Variants in VPS25 observed in about 807,000 individuals in gnomAD.
VPS25 encodes vacuolar protein-sorting-associated protein 25.
In VPS25, 21 loss-of-function variants were observed where a neutral mutation model predicts 30.3. That is an observed-to-expected ratio of 0.69 (90% CI 0.49 to 1.00). The LOEUF is 1.00. Ranked by LOEUF, VPS25 falls within the 50% of genes least tolerant of loss-of-function variation. The probability of loss-of-function intolerance (pLI) is 0.00; values close to 1 mark genes in which losing one functional copy is unlikely to be tolerated. For missense variants in VPS25, 156 were observed against 217.2 expected (o/e 0.72, Z 1.77); for synonymous variants, 101 against 88.1 (o/e 1.15, Z -0.82).
At position 42,779,317 on chromosome 17, in the gene VPS25, CTG is replaced by C; in HGVS notation, c.*250_*251del. 2.2e-6 allele frequency: 1 copy of C among 452,458 alleles called. No individual in the cohort carries two copies. The highest frequency in any genetic ancestry group is 4.1e-6 in the Non-Finnish European group (1 of 242,220). The allele number at this position is 452,458 out of a possible 1,614,324, so 28.0% of individuals were successfully genotyped here. A position where few individuals can be genotyped will look rare whatever the true frequency, so the allele number is the denominator to read the frequency against. On this transcript the variant is annotated 3_prime_UTR_variant, in exon 6 of 6. Transcript: ENST00000253794. ...GCCCTACCTCCTTTCCCATCCTAGA[CTG>C]TCCTTGAGCCAGGGTCTGTAAACCT...
At chr17:42,778,436 CA>C (rs1723992526) in intron 5 of VPS25, among the ~76,000 whole-genome samples, 4 of 152,168 alleles carry the variant, frequency 2.6e-5, no homozygotes, top group Admixed American at 1.3e-4. Context: ...CCTCCCACCT[CA>C]GCCTTCCAAA....
At chr17:42,773,610 G>T in intron 1 of VPS25, 82 bp downstream of exon 1, 1 of 1,608,018 alleles carries the variant, frequency 6.2e-7, no homozygotes, top group Non-Finnish European at 8.5e-7. Context: ...GCTTCATATG[G>T]GGAGGGGGAG....
chr17:42,776,353 TTTTTG>T (rs370422564), intron 5 of VPS25, 33 bp downstream of exon 5: 100 of 1,602,488 alleles, frequency 6.2e-5, no homozygotes, highest in Middle Eastern at 2.0e-4. Context: ...CATAGTTAAT[TTTTTG>T]TTTTGTTTTG....
intron 4 of VPS25, among the ~76,000 whole-genome samples, chr17:42,775,740 T>A (rs969018433): frequency 6.6e-6 from 1 of 152,174 alleles, no homozygotes; most frequent in Non-Finnish European, 1.5e-5. Flanking sequence ...AGTGCTATTG[T>A]TGGCTGGAGC....
At position 42,779,221 on chromosome 17, in the gene VPS25, C is replaced by G; in HGVS notation, c.*152C>G. 1.5e-6 allele frequency: 1 copy of G among 658,680 alleles called. No homozygotes were observed. The highest frequency in any genetic ancestry group is 2.7e-6 in the Non-Finnish European group (1 of 376,330). The allele number at this position is 658,680 out of a possible 1,614,324, so 40.8% of individuals were successfully genotyped here. A position where few individuals can be genotyped will look rare whatever the true frequency, so the allele number is the denominator to read the frequency against. On this transcript the variant is annotated 3_prime_UTR_variant, in exon 6 of 6. Coordinates refer to ENST00000253794, the MANE Select transcript of VPS25 (RefSeq NM_032353.4). ...GGCTGGGACCTGGGGATGGGTTTCT[C>G]ACACCCCATATGTCTGTCCCTTGGA... is the stretch of plus-strand genomic sequence containing the variant.
At position 42,773,715 on chromosome 17, in the gene VPS25, A is replaced by C. The variant is rs746907495; in HGVS notation, c.54-18A>C. On this transcript the variant is annotated intron_variant, in intron 1 of 5. Coordinates refer to ENST00000253794, the MANE Select transcript of VPS25 (RefSeq NM_032353.4). The stretch of plus-strand genomic sequence containing the variant: ...CTCCCGCCCTCTAATTCTGCGCCCC[A>C]CTCCCTTCACCCGGCAGGTTACAAC... The C allele has an allele frequency of 1.8e-5, 29 of 1,610,814 alleles. No homozygotes were observed. The highest frequency in any genetic ancestry group is 1.6e-4 in the Middle Eastern group (1 of 6,074).
At chr17:42,777,243 A>C (rs1416115840) in intron 5 of VPS25, among the ~76,000 whole-genome samples, 1 of 152,172 alleles carries the variant, frequency 6.6e-6, no homozygotes, top group Admixed American at 6.5e-5. Context: ...GGCCGGGTGC[A>C]GTGGCTCACG....
At chr17:42,778,909 C>T (rs2054451448) in intron 5 of VPS25, 48 bp from the exon 6 acceptor site, 6 of 1,576,818 alleles carry the variant, frequency 3.8e-6, no homozygotes, top group Non-Finnish European at 5.2e-6. Context: ...TCCTCAGAGG[C>T]CTTGGGCCTC....
chr17:42,779,060 G>T lies in VPS25; in HGVS notation c.522G>T (p.Lys174Asn). Residue 174 changes from lysine (K) to asparagine (N), a missense_variant, in exon 6 of 6, where the codon AAG (lysine) becomes AAT (asparagine). Transcript: ENST00000253794. ...CTGTCAGCGATGGCCGAGGCGTCAAGTTCTTCTAGCAGGGACCTGTCTCCC... is the reference window on the plus strand; with the variant it reads ...CTGTCAGCGATGGCCGAGGCGTCAATTTCTTCTAGCAGGGACCTGTCTCCC... ...IITVSDGRGV[K>N]FF is the part of the protein sequence containing the mutation. The T allele has an allele frequency of 6.2e-7, 1 of 1,613,866 alleles. No homozygotes were observed. The highest frequency in any genetic ancestry group is 8.5e-7 in the Non-Finnish European group (1 of 1,179,834).
Position 42,774,641 on chromosome 17 carries a change from A to T in VPS25, c.200-5A>T. The T allele has an allele frequency of 6.2e-7, 1 of 1,612,402 alleles. No individual in the cohort carries two copies. Among genetic ancestry groups the T allele is most frequent in the Non-Finnish European group, 8.5e-7 (1 of 1,178,708 alleles). On this transcript the variant is annotated splice_region_variant and splice_polypyrimidine_tract_variant and intron_variant, in intron 2 of 5. Transcript: ENST00000253794. ...GTGTATGCCGTTCCCTTAACCTTAA[A>T]CCAGGAAAGCTTCCTGTGGAGTCGA...
At chr17:42,776,147 T>C in intron 4 of VPS25, 98 bp from the exon 5 acceptor site, 1 of 1,054,422 alleles carries the variant, frequency 9.5e-7, no homozygotes, top group Non-Finnish European at 1.4e-6. Flanking sequence ...GGTTTGGGAA[T>C]AGGTATCATT....
chr17:42,774,045 A>G, intron 2 of VPS25, 167 bp downstream of exon 2: 1 of 749,344 alleles, frequency 1.3e-6, no homozygotes, highest in South Asian at 1.9e-5. Context: ...CCCCTGGCAA[A>G]TGCAGTACCA....
intron 3 of VPS25, 67 bp from the exon 4 acceptor site, chr17:42,775,314 G>T: frequency 7.6e-7 from 1 of 1,308,784 alleles, no homozygotes; most frequent in South Asian, 1.2e-5. Context: ...CAGTCCTCCC[G>T]CCTTGGCCTC....
chr17:42,775,071 G>C, intron 3 of VPS25: 1 of 370,520 alleles, frequency 2.7e-6, no homozygotes, highest in Non-Finnish European at 4.9e-6. Flanking sequence ...GGGAGATAAG[G>C]TCTCACTCTG....
At position 42,779,165 on chromosome 17, in the gene VPS25, C is replaced by G. The variant is rs578159732; in HGVS notation, c.*96C>G. 2.9e-5 allele frequency: 34 copies of G among 1,166,020 alleles called. No homozygotes were observed. In the South Asian group the frequency reaches 4.4e-4, roughly 15 times the overall value. The allele number at this position is 1,166,020 out of a possible 1,614,324, so 72.2% of individuals were successfully genotyped here. On this transcript the variant is annotated 3_prime_UTR_variant, in exon 6 of 6. Transcript: ENST00000253794. Reference sequence around the variant, plus strand: ...TCCCCCAAAGACTGGATCTGTGACTCCACCAGACTCAAAAGGACTCCAGTC... The same window carrying G: ...TCCCCCAAAGACTGGATCTGTGACTGCACCAGACTCAAAAGGACTCCAGTC...
At chr17:42,777,476 T>C (rs1368695092) in intron 5 of VPS25, among the ~76,000 whole-genome samples, 4 of 152,240 alleles carry the variant, frequency 2.6e-5, no homozygotes, top group Non-Finnish European at 5.9e-5. Flanking sequence ...ATCGCACCAC[T>C]GCACTCTAGT....
intron 4 of VPS25, 34 bp downstream of exon 4, chr17:42,775,503 G>T: frequency 1.3e-6 from 2 of 1,566,504 alleles, no homozygotes; most frequent in South Asian, 2.2e-5. Flanking sequence ...ATTCAACAGT[G>T]ACCCATGGAA....
chr17:42,776,761 A>C (rs1211384437), intron 5 of VPS25, among the ~76,000 whole-genome samples: 1 of 151,754 alleles, frequency 6.6e-6, no homozygotes, highest in Non-Finnish European at 1.5e-5. Flanking sequence ...CCTATGTTCA[A>C]GCGATTCTAA....
chr17:42,775,592 G>A (rs1007619389), intron 4 of VPS25, 123 bp downstream of exon 4: 7 of 740,158 alleles, frequency 9.5e-6, no homozygotes, highest in Non-Finnish European at 1.5e-5. Flanking sequence ...GGGGCAGAAA[G>A]AGGAAGTGTA....
Sources: allele counts gnomAD v4.1 joint callset (sites outside exome capture counted in the v4.1 genomes callset), GRCh38; gene constraint gnomAD v4.1.1; transcripts MANE v1.5; gene names NCBI Gene and HGNC (gene_info 2026-07-23, HGNC 2026-07-21).